PACSIN2: variants seen among roughly 807,000 people sequenced by gnomAD.
PACSIN2 encodes protein kinase C and casein kinase substrate in neurons protein 2.
In PACSIN2, 25 loss-of-function variants were observed where a neutral mutation model predicts 63.8. The ratio of observed to expected loss-of-function variants is 0.39; its 90% CI spans 0.29 to 0.55. PACSIN2 has a LOEUF of 0.55. Among genes scored for constraint, PACSIN2 ranks in the 20% least tolerant of loss-of-function variants. PACSIN2 has a pLI of 0.62. For missense variants in PACSIN2, 518 were observed against 646.9 expected, an observed-to-expected ratio of 0.80 and a Z score of 2.16; for synonymous variants, 255 against 256.2, an observed-to-expected ratio of 1.00 and a Z score of 0.05.
At chr22:43,004,010 G>A (rs796972934) in intron 1 of PACSIN2, among the ~76,000 whole-genome samples, 6 of 152,334 alleles carry the variant, frequency 3.9e-5, no homozygotes, top group African/African-American at 1.4e-4. Flanking sequence ...GCCGTCTTAA[G>A]CAAAGGACAC....
At chr22:43,007,775 C>T (rs987443368) in intron 1 of PACSIN2, among the ~76,000 whole-genome samples, 8 of 152,238 alleles carry the variant, frequency 5.3e-5, no homozygotes, top group African/African-American at 1.7e-4. Flanking sequence ...TACAGAGCAG[C>T]CATCATCTTT....
chr22:43,006,672 C>T (rs1185271199), intron 1 of PACSIN2, among the ~76,000 whole-genome samples: 1 of 151,946 alleles, frequency 6.6e-6, no homozygotes, highest in Non-Finnish European at 1.5e-5. Context: ...AAAATTAGCC[C>T]GGCATGATGG....
chr22:42,909,712 A>G (rs1042552021), intron 2 of PACSIN2: 10 of 392,244 alleles, frequency 2.5e-5, no homozygotes, highest in African/African-American at 2.1e-4. Context: ...GGACTTGTTA[A>G]AGCTAGTTGA....
intron 1 of PACSIN2, among the ~76,000 whole-genome samples, chr22:42,999,529 C>T (rs1210659780): frequency 1.3e-5 from 2 of 152,142 alleles, no homozygotes; most frequent in Admixed American, 6.5e-5. Flanking sequence ...ATTAGCCCAG[C>T]GTGGTGGTAC....
At chr22:42,896,763 C>T (rs935417009) in intron 2 of PACSIN2, among the ~76,000 whole-genome samples, 4 of 152,194 alleles carry the variant, frequency 2.6e-5, no homozygotes, top group African/African-American at 9.7e-5. Flanking sequence ...CCTGCATGCT[C>T]CCAGCACTTA....
chr22:42,992,328 G>C (rs1198537058), intron 1 of PACSIN2, among the ~76,000 whole-genome samples: 1 of 152,198 alleles, frequency 6.6e-6, no homozygotes, highest in Non-Finnish European at 1.5e-5. Context: ...TGCGCGCAAA[G>C]CACTTTGGAA....
intron 10 of PACSIN2, among the ~76,000 whole-genome samples, chr22:42,872,940 T>C (rs911861636): frequency 1.3e-5 from 2 of 152,242 alleles, no homozygotes; most frequent in Non-Finnish European, 2.9e-5. Flanking sequence ...TCTTTTGTCC[T>C]GCCTTCATTG....
At chr22:43,007,219 C>CTTT (rs532308992) in intron 1 of PACSIN2, among the ~76,000 whole-genome samples, 131 of 137,862 alleles carry the variant, frequency 9.5e-4, no homozygotes, top group African/African-American at 3.3e-3. Context: ...ACCTCTTGTT[C>CTTT]TTTTTTTTTT....
chr22:43,012,709 A>G (rs1474942295), intron 1 of PACSIN2, among the ~76,000 whole-genome samples: 1 of 151,844 alleles, frequency 6.6e-6, no homozygotes, highest in African/African-American at 2.4e-5. Flanking sequence ...CTGGAGTGCA[A>G]CGGCCGGATC....
rs1354764557 is a variant in PACSIN2, at chr22:42,876,971, C to T, written c.1068G>A (p.Gln356=). ...CGAAGGGGTTGTAGCTGGACTGTGA[C>T]TGCGCAGACTGGGCGGGGTTGCTCG... ...NVPSNPAQSA[Q]SQSSYNPFED... Residue 356 remains glutamine (Q), a synonymous_variant, in exon 9 of 11, where the codon CAG becomes CAA. Transcript: ENST00000263246. 1.9e-6 allele frequency: 3 copies of T among 1,614,068 alleles called. No individual in the cohort carries two copies. In the African/African-American group the frequency reaches 4.0e-5, roughly 22 times the overall value.
intron 2 of PACSIN2, among the ~76,000 whole-genome samples, chr22:42,895,656 T>C (rs1397284411): frequency 6.6e-6 from 1 of 152,220 alleles, no homozygotes; most frequent in Non-Finnish European, 1.5e-5. Flanking sequence ...CCGTGATGAA[T>C]ACAGGAAGAG....
intron 1 of PACSIN2, among the ~76,000 whole-genome samples, chr22:42,990,400 A>G (rs1922961723): frequency 6.6e-6 from 1 of 152,140 alleles, no homozygotes; most frequent in Non-Finnish European, 1.5e-5. Flanking sequence ...ACTGCACACT[A>G]CAATACAAAA....
chr22:43,012,646 C>G (rs1924578601), intron 1 of PACSIN2, among the ~76,000 whole-genome samples: 1 of 151,946 alleles, frequency 6.6e-6, no homozygotes, highest in South Asian at 2.1e-4. Context: ...ACCACTACGC[C>G]AGACTAATTT....
intron 1 of PACSIN2, among the ~76,000 whole-genome samples, chr22:42,948,523 A>G (rs888729178): frequency 2.0e-5 from 3 of 152,210 alleles, no homozygotes; most frequent in African/African-American, 7.2e-5. Flanking sequence ...CTATAGTCCC[A>G]GATACTTGGG....
At chr22:42,959,209 T>C (rs1436010758) in intron 1 of PACSIN2, among the ~76,000 whole-genome samples, 1 of 152,134 alleles carries the variant, frequency 6.6e-6, no homozygotes, top group Non-Finnish European at 1.5e-5. Context: ...AAACAGCAAT[T>C]ACAGTCTCCT....
chr22:42,967,698 C>T (rs1601588620), intron 1 of PACSIN2, among the ~76,000 whole-genome samples: 1 of 152,030 alleles, frequency 6.6e-6, no homozygotes, highest in South Asian at 2.1e-4. Flanking sequence ...ACCATCCTGG[C>T]TAACATGGTG....
At position 42,888,801 on chromosome 22, in the gene PACSIN2, A is replaced by G; in HGVS notation, c.454-3T>C. The G allele has an allele frequency of 6.2e-7, 1 of 1,614,006 alleles. No individual in the cohort carries two copies. The highest frequency in any genetic ancestry group is 8.5e-7 in the Non-Finnish European group (1 of 1,179,934). On this transcript the variant is annotated splice_polypyrimidine_tract_variant and splice_region_variant and intron_variant, in intron 4 of 10. Coordinates refer to ENST00000263246, the MANE Select transcript of PACSIN2 (RefSeq NM_001184970.3). Reference sequence around the variant, plus strand: ...TGGGCTTTCTTTGCTGCTTCTACCTACAGGGAGAATGAGTTCCTGAATGCC... The same window carrying G: ...TGGGCTTTCTTTGCTGCTTCTACCTGCAGGGAGAATGAGTTCCTGAATGCC...
chr22:42,964,707 T>C (rs1214480949), intron 1 of PACSIN2, among the ~76,000 whole-genome samples: 1 of 151,952 alleles, frequency 6.6e-6, no homozygotes. Flanking sequence ...AGGTGATCCA[T>C]CGGCAGCAGG....
intron 8 of PACSIN2, among the ~76,000 whole-genome samples, chr22:42,878,012 G>T (rs563808585): frequency 3.0e-4 from 46 of 152,328 alleles, no homozygotes; most frequent in South Asian, 6.2e-4. Context: ...AGTGGTACTT[G>T]ACCTAGGCCT....
Sources: gnomAD v4.1 joint callset for allele counts (sites outside exome capture counted in the v4.1 genomes callset) on GRCh38, gnomAD v4.1.1 for gene constraint, MANE v1.5 for transcripts, NCBI Gene and HGNC (gene_info 2026-07-23, HGNC 2026-07-21) for gene names.